The following PCDHA5 variants were observed in gnomAD, a reference collection of about 807,000 sequenced individuals.
The protein encoded by PCDHA5 is protocadherin alpha 5.
Under a neutral mutation model 61.6 loss-of-function variants are expected in PCDHA5, and 43 were observed. The ratio of observed to expected loss-of-function variants is 0.70; its 90% CI spans 0.55 to 0.90. The LOEUF is 0.90. PCDHA5 is among the 40% of genes least tolerant of loss of function. The pLI, the probability that PCDHA5 is intolerant of heterozygous loss-of-function variation, is 0.00. For synonymous variants in PCDHA5, 627 were observed against 543.9 expected, an observed-to-expected ratio of 1.15 and a Z score of -2.13; for missense variants, 1,298 against 1,222.7, an observed-to-expected ratio of 1.06 and a Z score of -0.92.
chr5:140,961,477 G>T (rs2095615587), intron 1 of PCDHA5, among the ~76,000 whole-genome samples: 1 of 152,006 alleles, frequency 6.6e-6, no homozygotes, highest in African/African-American at 2.4e-5. Flanking sequence ...TTTTTGTCTT[G>T]TCCACGTGAG....
intron 1 of PCDHA5, among the ~76,000 whole-genome samples, chr5:140,874,947 T>C (rs2055188699): frequency 6.6e-6 from 1 of 152,240 alleles, no homozygotes; most frequent in African/African-American, 2.4e-5. Flanking sequence ...AACAGCGGAA[T>C]TGTAAGCTAT....
chr5:140,850,185 G>A (rs2150471887), intron 1 of PCDHA5: 2 of 1,593,890 alleles, frequency 1.3e-6, no homozygotes, highest in South Asian at 1.1e-5. Context: ...CAATGCGCCG[G>A]CGCTGCTGAC....
intron 3 of PCDHA5, among the ~76,000 whole-genome samples, chr5:140,982,794 CAT>C (rs1491349118): frequency 4.0e-5 from 6 of 150,946 alleles, no homozygotes; most frequent in Admixed American, 1.3e-4. Context: ...CGCATGTGTG[CAT>C]GTGTGTGTGT....
intron 3 of PCDHA5, among the ~76,000 whole-genome samples, chr5:141,008,968 T>C (rs1241825350): frequency 6.6e-6 from 1 of 152,256 alleles, no homozygotes; most frequent in Non-Finnish European, 1.5e-5. Flanking sequence ...AATACATTTA[T>C]AGCCAAAGTT....
intron 1 of PCDHA5, among the ~76,000 whole-genome samples, chr5:140,900,829 A>G (rs2068324648): frequency 6.6e-6 from 1 of 152,110 alleles, no homozygotes; most frequent in Non-Finnish European, 1.5e-5. Context: ...TCCCACCAAC[A>G]ATGTACAAAG....
At chr5:140,904,570 G>T (rs1377408350) in intron 1 of PCDHA5, among the ~76,000 whole-genome samples, 1 of 151,378 alleles carries the variant, frequency 6.6e-6, no homozygotes, top group African/African-American at 2.4e-5. Context: ...TTTTCCTCTG[G>T]GTAGACACCC....
Position 140,884,327 on chromosome 5 carries a change from G to T in PCDHA5, c.2352+60200G>T, listed in dbSNP as rs1400364790. The T allele has an allele frequency of 5.6e-6, 9 of 1,613,894 alleles. No individual in the cohort carries two copies. In the African/African-American group the frequency reaches 9.3e-5, roughly 17 times the overall value. Reference sequence around the variant, plus strand: ...TTCGTCGAGGGCGTCGGCAGGCGCTGTGGGTCCAGAAGCGGCGCTGGTGGA... The same window carrying T: ...TTCGTCGAGGGCGTCGGCAGGCGCTTTGGGTCCAGAAGCGGCGCTGGTGGA... On this transcript the variant is annotated intron_variant, in intron 1 of 3. Coordinates refer to ENST00000529859, the MANE Select transcript of PCDHA5 (RefSeq NM_018908.3).
At chr5:140,972,983 AGATTCTGTGCATTTGT>A (rs1169514447) in intron 1 of PCDHA5, among the ~76,000 whole-genome samples, 1 of 152,102 alleles carries the variant, frequency 6.6e-6, no homozygotes, top group Admixed American at 6.6e-5. Flanking sequence ...ATCTTAAGGT[AGATTCTGTGCATTTGT>A]GGTCGTGGTG....
chr5:140,995,861 A>G (rs2097700846), intron 3 of PCDHA5, among the ~76,000 whole-genome samples: 1 of 152,220 alleles, frequency 6.6e-6, no homozygotes. Context: ...GTATCACTTA[A>G]TAATTGTGCA....
intron 1 of PCDHA5, among the ~76,000 whole-genome samples, chr5:140,910,829 C>G (rs938702955): frequency 6.6e-6 from 1 of 152,184 alleles, no homozygotes; most frequent in Non-Finnish European, 1.5e-5. Flanking sequence ...TAAATTCAGC[C>G]TGATCCAATG....
chr5:140,830,127 C>A (rs2150181512), intron 1 of PCDHA5: 1 of 1,613,466 alleles, frequency 6.2e-7, no homozygotes, highest in East Asian at 2.2e-5. Context: ...CCAAAGGCGT[C>A]ATCACGGGCG....
intron 1 of PCDHA5, among the ~76,000 whole-genome samples, chr5:140,831,419 G>A (rs1473528725): frequency 6.6e-6 from 1 of 151,618 alleles, no homozygotes; most frequent in Non-Finnish European, 1.5e-5. Flanking sequence ...GAGTACAGTG[G>A]TGCAATAATG....
chr5:140,828,941 C>T (rs2150161087), intron 1 of PCDHA5: 5 of 1,614,196 alleles, frequency 3.1e-6, no homozygotes, highest in African/African-American at 2.7e-5. Context: ...TTTTAATAGC[C>T]TTGTTGCAGC....
Position 140,838,095 on chromosome 5 carries a change from T to TA in PCDHA5, c.2352+13968_2352+13969insA, listed in dbSNP as rs1554136885. On this transcript the variant is annotated intron_variant, in intron 1 of 3. Transcript: ENST00000529859. ...TATATATAGTGTGTGTGTGTGTGTG[T>TA]GTGTGTGTGTGTGTGTGTGTGTGTG... 2.7e-5 allele frequency among the ~76,000 whole-genome samples: 4 copies of TA among 145,996 alleles called. 1 individual carries two copies. The highest frequency in any genetic ancestry group is 1.0e-4 in the African/African-American group (4 of 39,008).
intron 1 of PCDHA5, chr5:140,926,929 G>A (rs1554203825): frequency 6.3e-7 from 1 of 1,575,722 alleles, no homozygotes; most frequent in South Asian, 1.2e-5. Flanking sequence ...ATGTTTGTGG[G>A]TTTCCTGCGG....
intron 1 of PCDHA5, chr5:140,847,546 A>C (rs1179862564): frequency 6.7e-6 from 1 of 149,632 alleles, no homozygotes; most frequent in African/African-American, 2.4e-5. Context: ...GCATAGCTTT[A>C]AAAACAGAAA....
intron 1 of PCDHA5, among the ~76,000 whole-genome samples, chr5:140,947,921 C>A (rs1327858146): frequency 6.6e-6 from 1 of 151,536 alleles, no homozygotes; most frequent in African/African-American, 2.4e-5. Context: ...CTTGCCTTAA[C>A]CCTGATCTTA....
At chr5:140,826,575 C>T (rs1208730445) in intron 1 of PCDHA5, among the ~76,000 whole-genome samples, 1 of 152,054 alleles carries the variant, frequency 6.6e-6, no homozygotes, top group Admixed American at 6.5e-5. Context: ...GGTTTAATCA[C>T]TTCAAATGGA....
chr5:141,006,002 G>T (rs185630910), intron 3 of PCDHA5, among the ~76,000 whole-genome samples: 1 of 151,740 alleles, frequency 6.6e-6, no homozygotes, highest in East Asian at 1.9e-4. Context: ...CTGAAAGAAG[G>T]CCTGTATGGT....
Sources: gnomAD v4.1 joint callset for allele counts (sites outside exome capture counted in the v4.1 genomes callset) on GRCh38, gnomAD v4.1.1 for gene constraint, MANE v1.5 for transcripts, NCBI Gene and HGNC (gene_info 2026-07-23, HGNC 2026-07-21) for gene names.